The following OR51L1 variants were observed in gnomAD, a reference collection of about 807,000 sequenced individuals.
OR51L1 encodes olfactory receptor 51L1.
Under a neutral mutation model 1.4 loss-of-function variants are expected in OR51L1, and 1 was observed. The observed-to-expected ratio is 0.72, with a 90% CI of 0.26 to 3.42. The LOEUF is 3.42. OR51L1 is among the 30% of genes most tolerant of loss of function. The probability of loss-of-function intolerance (pLI) is 0.20; values close to 1 mark genes in which losing one functional copy is unlikely to be tolerated. For synonymous variants in OR51L1, 156 were observed against 144.2 expected (o/e 1.08, Z -0.59); for missense variants, 378 against 380.0 (o/e 0.99, Z 0.04).
chr11:4,996,536 T>C (rs910589435), intron 1 of OR51L1, among the ~76,000 whole-genome samples: 1 of 152,040 alleles, frequency 6.6e-6, no homozygotes, highest in African/African-American at 2.4e-5. Flanking sequence ...TTCTTTGCAT[T>C]CTATGTGAGA....
chr11:4,996,267 C>G (rs1489345125), intron 1 of OR51L1, among the ~76,000 whole-genome samples: 1 of 152,062 alleles, frequency 6.6e-6, no homozygotes, highest in African/African-American at 2.4e-5. Context: ...CACACACACA[C>G]AGGCACATAG....
rs945928077 is a variant in OR51L1 at position 5,004,626 on chromosome 11, G to T, written c.*4696G>T. On this transcript the variant is annotated 3_prime_UTR_variant, in exon 3 of 3. Coordinates refer to ENST00000641819, the MANE Select transcript of OR51L1 (RefSeq NM_001004755.2). ...AACTTCTCTTACAAGTGTCCCTGCG[G>T]CACCCTCTGCTGGCCAAGTTTAACA... 22 of 152,114 alleles carry T rather than the reference G, an allele frequency of 1.4e-4. No individual in the cohort carries two copies. Among genetic ancestry groups the T allele is most frequent in the African/African-American group, 5.3e-4 (22 of 41,430 alleles). The allele number at this position is 152,114 out of a possible 1,614,324, so 9.4% of individuals were successfully genotyped here. A position where few individuals can be genotyped will look rare whatever the true frequency, so the allele number is the denominator to read the frequency against.
chr11:4,999,083 G>A lies in OR51L1; in HGVS notation c.101G>A (p.Cys34Tyr), dbSNP rs1564822753. The A allele has an allele frequency of 6.2e-7, 1 of 1,614,098 alleles. No individual in the cohort carries two copies. Among genetic ancestry groups the A allele is most frequent in the East Asian group, 2.2e-5 (1 of 44,878 alleles). ...CATTCTTGGCTCTCCATCCTCTTCT[G>A]TCTTGCATATTTGGTAGCATTTATG... is the stretch of plus-strand genomic sequence containing the variant. Reference protein sequence around the residue: ...YVHSWLSILFCLAYLVAFMGN... With the variant: ...YVHSWLSILFYLAYLVAFMGN... Residue 34 changes from cysteine (C) to tyrosine (Y), a missense_variant, in exon 3 of 3, where the codon TGT becomes TAT. Physicochemically the swap from Cys to Tyr is radical, Grantham distance 194 (BLOSUM62 -2). Transcript: ENST00000641819.
At position 4,996,721 on chromosome 11, in the gene OR51L1, TTTTCTTTCTTTCTTTCTTTC is replaced by T. The variant is rs61073391; in HGVS notation, c.-261-732_-261-713del. ...TCTTTTCCTTCCTTCCTTTCTTTTC[TTTTCTTTCTTTCTTTCTTTC>T]TTTCTTTCTTTCTTTCTTTCTTTCT... On this transcript the variant is annotated intron_variant, in intron 1 of 2. Coordinates refer to ENST00000641819, the MANE Select transcript of OR51L1 (RefSeq NM_001004755.2). Among the ~76,000 whole-genome samples the T allele has an allele frequency of 3.4e-4, 36 of 106,356 alleles. 1 individual carries two copies. The East Asian group carries it at 6.6e-3, about 19-fold the overall frequency. 69.8% of individuals were successfully genotyped at this position (106,356 alleles called of 152,430 possible).
In OR51L1 at chr11:4,999,114, T is replaced by C. The variant is rs146234178; in HGVS notation, c.132T>C (p.Asn44=). 1.7e-5 allele frequency: 28 copies of C among 1,614,062 alleles called. No individual in the cohort carries two copies. In the Middle Eastern group the frequency reaches 4.9e-4, roughly 28 times the overall value. ...CLAYLVAFMG[N]VTILSVIWIE... ...CATATTTGGTAGCATTTATGGGTAA[T>C]GTTACCATCCTGTCTGTCATTTGGA... is the stretch of plus-strand genomic sequence containing the variant. Residue 44 remains asparagine (N), a synonymous_variant, in exon 3 of 3, where the codon AAT becomes AAC. Transcript: ENST00000641819.
At position 5,004,434 on chromosome 11, in the gene OR51L1, G is replaced by T. The variant is rs1847158514; in HGVS notation, c.*4504G>T. 6.6e-6 allele frequency: 1 copy of T among 152,104 alleles called. No individual in the cohort carries two copies. The highest frequency in any genetic ancestry group is 2.4e-5 in the African/African-American group (1 of 41,424). 9.4% of individuals were successfully genotyped at this position (152,104 alleles called of 1,614,324 possible). On this transcript the variant is annotated 3_prime_UTR_variant, in exon 3 of 3. Transcript: ENST00000641819. ...TGACAAGCTGGAAACACCCCTCCAG[G>T]GTCCAAATAGGTTATTTGGGAAGCC...
Position 4,999,570 on chromosome 11 carries a change from C to G in OR51L1, c.588C>G (p.Thr196=). Residue 196 remains threonine (T), a synonymous_variant, in exon 3 of 3, where the codon ACC becomes ACG. Transcript: ENST00000641819. The part of the protein sequence containing the change: ...VLRLSCTDAR[T]NSIYGLCVVI... ...GATTATCCTGTACAGATGCCAGGAC[C>G]AACAGTATTTATGGGCTTTGTGTAG... The G allele has an allele frequency of 6.2e-7, 1 of 1,613,952 alleles. No individual in the cohort carries two copies. The highest frequency in any genetic ancestry group is 8.5e-7 in the Non-Finnish European group (1 of 1,179,954).
In OR51L1 at chr11:5,000,064, T is replaced by G. The variant is rs1847116452; in HGVS notation, c.*134T>G. On this transcript the variant is annotated 3_prime_UTR_variant, in exon 3 of 3. Coordinates refer to ENST00000641819, the MANE Select transcript of OR51L1 (RefSeq NM_001004755.2). Reference sequence around the variant, plus strand: ...TCACTTCTTATACATGTAATTTCAGTTAATCTTTAACCAATATGAAACTCA... The same window carrying G: ...TCACTTCTTATACATGTAATTTCAGGTAATCTTTAACCAATATGAAACTCA... 1.0e-6 allele frequency: 1 copy of G among 959,660 alleles called. No individual in the cohort carries two copies. Among genetic ancestry groups the G allele is most frequent in the Non-Finnish European group, 1.5e-6 (1 of 676,478 alleles). 59.4% of individuals were successfully genotyped at this position (959,660 alleles called of 1,614,324 possible). A position where few individuals can be genotyped will look rare whatever the true frequency, so the allele number is the denominator to read the frequency against.
rs1321235802 is a variant in OR51L1 at position 4,999,115 on chromosome 11, G to A, written c.133G>A (p.Val45Ile). The change falls in exon 3 of 3, where the codon GTT (valine) becomes ATT (isoleucine). Residue 45 changes from valine (V) to isoleucine (I), a missense_variant. Val to Ile is a conservative substitution (Grantham distance 29, BLOSUM62 3). Coordinates refer to ENST00000641819, the MANE Select transcript of OR51L1 (RefSeq NM_001004755.2). ...ATATTTGGTAGCATTTATGGGTAAT[G>A]TTACCATCCTGTCTGTCATTTGGAT... ...LAYLVAFMGN[V>I]TILSVIWIES... The A allele has an allele frequency of 1.9e-6, 3 of 1,613,936 alleles. No individual in the cohort carries two copies. The highest frequency in any genetic ancestry group is 4.5e-5 in the East Asian group (2 of 44,894).
Position 5,000,621 on chromosome 11 carries a change from C to T in OR51L1, c.*691C>T, listed in dbSNP as rs1457386186. 3 of 152,046 alleles carry T rather than the reference C, an allele frequency of 2.0e-5. No homozygotes were observed. The highest frequency in any genetic ancestry group is 7.3e-5 in the African/African-American group (3 of 41,298). The allele number at this position is 152,046 out of a possible 1,614,324, so 9.4% of individuals were successfully genotyped here. On this transcript the variant is annotated 3_prime_UTR_variant, in exon 3 of 3. Transcript: ENST00000641819. ...TGATGCCACTTGCAAAATCATATAA[C>T]AAGAATGAAGGTGGTAAGAAGAATG... is the stretch of plus-strand genomic sequence containing the variant.
intron 1 of OR51L1, among the ~76,000 whole-genome samples, chr11:4,995,930 T>C (rs1210782836): frequency 6.6e-6 from 1 of 151,940 alleles, no homozygotes; most frequent in Non-Finnish European, 1.5e-5. Flanking sequence ...GAAAGGGGCT[T>C]AGGGGGCCCG....
chr11:4,999,131 T>C lies in OR51L1; in HGVS notation c.149T>C (p.Val50Ala), dbSNP rs1424436724. The C allele has an allele frequency of 2.5e-6, 4 of 1,614,128 alleles. No individual in the cohort carries two copies. Among genetic ancestry groups the C allele is most frequent in the Non-Finnish European group, 3.4e-6 (4 of 1,179,968 alleles). The change falls in exon 3 of 3, where the codon GTC becomes GCC. Residue 50 changes from valine (V) to alanine (A), a missense_variant. Physicochemically the swap from Val to Ala is moderately conservative, Grantham distance 64 (BLOSUM62 0). Transcript: ENST00000641819. ...AFMGNVTILS[V>A]IWIESSLHQP... is the part of the protein sequence containing the mutation. ...ATGGGTAATGTTACCATCCTGTCTG[T>C]CATTTGGATAGAATCCTCTCTCCAT...
Position 5,003,664 on chromosome 11 carries a change from CA to C in OR51L1, c.*3735del, listed in dbSNP as rs539008741. ...TTCTCAAGGATTCCTTTTTTTCAGG[CA>C]GATGAAACAGGATGAGAATTCAAGA... On this transcript the variant is annotated 3_prime_UTR_variant, in exon 3 of 3. Coordinates refer to ENST00000641819, the MANE Select transcript of OR51L1 (RefSeq NM_001004755.2). 6 of 151,960 alleles carry C rather than the reference CA, an allele frequency of 3.9e-5. No individual in the cohort carries two copies. The highest frequency in any genetic ancestry group is 7.4e-5 in the Non-Finnish European group (5 of 67,992). The allele number at this position is 151,960 out of a possible 1,614,324, so 9.4% of individuals were successfully genotyped here.
At chr11:4,998,688 C>T in intron 2 of OR51L1, 136 bp from the exon 3 acceptor site, 1 of 305,818 alleles carries the variant, frequency 3.3e-6, no homozygotes, top group Non-Finnish European at 6.0e-6. Context: ...TTTCTCTATT[C>T]TCACGTTGCT....
In OR51L1 at chr11:4,999,201, G is replaced by C. The variant is rs759507472; in HGVS notation, c.219G>C (p.Leu73=). ...TTTCCATCTTAGCAGTGAATGACCTGGGGATGTCCCTGTCTACACTTCCCA... is the reference window on the plus strand; with the variant it reads ...TTTCCATCTTAGCAGTGAATGACCTCGGGATGTCCCTGTCTACACTTCCCA... ...YFISILAVND[L]GMSLSTLPTM... The change falls in exon 3 of 3, where the codon CTG becomes CTC. Residue 73 remains leucine, a synonymous_variant. Coordinates refer to ENST00000641819, the MANE Select transcript of OR51L1 (RefSeq NM_001004755.2). The C allele has an allele frequency of 2.7e-5, 44 of 1,613,944 alleles. No individual in the cohort carries two copies. In the East Asian group the frequency reaches 9.8e-4, roughly 36 times the overall value.
rs1205141361 is a variant in OR51L1, at chr11:4,999,610, G to T, written c.628G>T (p.Gly210Cys). 6.2e-7 allele frequency: 1 copy of T among 1,612,876 alleles called. No individual in the cohort carries two copies. The highest frequency in any genetic ancestry group is 8.5e-7 in the Non-Finnish European group (1 of 1,178,980). The part of the protein sequence containing the change: ...YGLCVVIATL[G>C]VDSIFILLSY... ...GCTTTGTGTAGTCATTGCCACACTAGGTGTGGATTCAATCTTCATACTTCT... is the reference window on the plus strand; with the variant it reads ...GCTTTGTGTAGTCATTGCCACACTATGTGTGGATTCAATCTTCATACTTCT... The change falls in exon 3 of 3, where the codon GGT becomes TGT. Residue 210 changes from glycine to cysteine, a missense_variant. Coordinates refer to ENST00000641819, the MANE Select transcript of OR51L1 (RefSeq NM_001004755.2).
Position 4,995,308 on chromosome 11 carries a change from A to T in OR51L1, c.-289A>T, listed in dbSNP as rs1165002252. On this transcript the variant is annotated 5_prime_UTR_variant, in exon 1 of 3. Transcript: ENST00000641819. ...GATTGCAAATTAACTAGGCATATTG[A>T]TTCAATTGCCTTATATTTAAATTTC... 2.0e-5 allele frequency: 3 copies of T among 152,060 alleles called. No individual in the cohort carries two copies. The highest frequency in any genetic ancestry group is 2.9e-5 in the Non-Finnish European group (2 of 67,956). 9.4% of individuals were successfully genotyped at this position (152,060 alleles called of 1,614,324 possible). A position where few individuals can be genotyped will look rare whatever the true frequency, so the allele number is the denominator to read the frequency against.
chr11:4,997,286 C>T (rs1190514863), intron 1 of OR51L1, among the ~76,000 whole-genome samples, 196 bp from the exon 2 acceptor site: 2 of 152,116 alleles, frequency 1.3e-5, no homozygotes, highest in African/African-American at 4.8e-5. Context: ...CATCTAAGAA[C>T]TTTCAGTCTT....
chr11:4,996,765 CTTT>C (rs1847076570), intron 1 of OR51L1, among the ~76,000 whole-genome samples: 1 of 115,018 alleles, frequency 8.7e-6, no homozygotes, highest in African/African-American at 3.4e-5. Context: ...TTCTTTCTTT[CTTT>C]CATTTCTCTC....
Sources: gnomAD v4.1 joint callset for allele counts (sites outside exome capture counted in the v4.1 genomes callset) on GRCh38, gnomAD v4.1.1 for gene constraint, MANE v1.5 for transcripts, NCBI Gene and HGNC (gene_info 2026-07-23, HGNC 2026-07-21) for gene names.